Variants in SOX5 observed in about 807,000 individuals in gnomAD.
SOX5 encodes the protein SRY-box transcription factor 5.
A neutral mutation model predicts 92.0 loss-of-function variants in SOX5; 9 were observed. The observed-to-expected ratio is 0.10, with a 90% confidence interval of 0.06 to 0.17. SOX5 has a LOEUF of 0.17. Among genes scored for constraint, SOX5 ranks in the 10% least tolerant of loss-of-function variants. SOX5 has a pLI of 1.00. For synonymous variants in SOX5, 344 were observed against 336.3 expected (o/e 1.02, Z -0.25); for missense variants, 642 against 944.5 (o/e 0.68, Z 4.20).
chr12:24,313,541 A>C (rs1212081642), intron 2 of SOX5, among the ~76,000 whole-genome samples: 9 of 152,112 alleles, frequency 5.9e-5, no homozygotes, highest in Non-Finnish European at 1.0e-4. Context: ...AAAAAATACA[A>C]AAAAAAGTTG....
In SOX5 at chr12:23,942,981, G is replaced by A. The variant is rs531243815; in HGVS notation, c.38+6583C>T. Among the ~76,000 whole-genome samples, 10 of 152,176 alleles carry A rather than the reference G, an allele frequency of 6.6e-5. No individual in the cohort carries two copies. In the South Asian group the frequency reaches 2.1e-3, roughly 32 times the overall value. On this transcript the variant is annotated intron_variant, in intron 1 of 14. Coordinates refer to ENST00000451604, the MANE Select transcript of SOX5 (RefSeq NM_006940.6). Reference sequence around the variant, plus strand: ...GAAAGTTTCAACGGATTTGCTGCCAGCAGCTTTTCTTTATAGTGTTCCTCT... The same window carrying A: ...GAAAGTTTCAACGGATTTGCTGCCAACAGCTTTTCTTTATAGTGTTCCTCT...
At chr12:23,660,006 A>AT (rs147103829) in intron 7 of SOX5, among the ~76,000 whole-genome samples, 2,134 of 152,256 alleles carry the variant, frequency 0.014, 28 homozygotes, top group South Asian at 0.027. Flanking sequence ...GGTGATTATA[A>AT]TAAAAACAGG....
chr12:24,419,784 G>A (rs1267862045), intron 1 of SOX5, among the ~76,000 whole-genome samples: 1 of 152,148 alleles, frequency 6.6e-6, no homozygotes, highest in African/African-American at 2.4e-5. Flanking sequence ...GGGAGTTACT[G>A]TAGAAGATAA....
intron 4 of SOX5, among the ~76,000 whole-genome samples, chr12:23,979,807 C>T (rs1310722591): frequency 2.2e-5 from 3 of 136,700 alleles, no homozygotes; most frequent in Non-Finnish European, 4.6e-5. Flanking sequence ...AGCCTCAAAC[C>T]TCTAGGCTCA....
rs116482107 is a variant in SOX5 at position 24,378,079 on chromosome 12, A to C, written c.-250-9440T>G. On this transcript the variant is annotated intron_variant, in intron 1 of 4. Transcript: ENST00000446891. Reference sequence around the variant, plus strand: ...GGGACTAGAGATGCAGAAATCCTAAAAGAAGTAATTTTACTGGCAAAGTTT... The same window carrying C: ...GGGACTAGAGATGCAGAAATCCTAACAGAAGTAATTTTACTGGCAAAGTTT... 5.3e-3 allele frequency among the ~76,000 whole-genome samples: 813 copies of C among 152,330 alleles called. 9 individuals are homozygous for C. Among genetic ancestry groups the C allele is most frequent in the African/African-American group, 0.015 (643 of 41,584 alleles).
At chr12:23,853,431 A>T (rs937656485) in intron 2 of SOX5, among the ~76,000 whole-genome samples, 2 of 151,938 alleles carry the variant, frequency 1.3e-5, no homozygotes, top group African/African-American at 4.8e-5. Context: ...TGAAACTGCA[A>T]GTTAAGGGCA....
chr12:24,474,489 A>G (rs1945144407), intron 1 of SOX5, among the ~76,000 whole-genome samples: 1 of 152,198 alleles, frequency 6.6e-6, no homozygotes, highest in Admixed American at 6.5e-5. Context: ...GTAAAAGATT[A>G]CTGTAGTAAT....
intron 2 of SOX5, among the ~76,000 whole-genome samples, chr12:23,869,924 T>C (rs369011103): frequency 1.1e-3 from 162 of 152,300 alleles, no homozygotes; most frequent in African/African-American, 3.8e-3. Flanking sequence ...CCCACCAGAC[T>C]GAGTTTCCAG....
intron 4 of SOX5, among the ~76,000 whole-genome samples, chr12:24,153,770 A>T (rs988186172): frequency 1.3e-5 from 2 of 152,140 alleles, no homozygotes; most frequent in African/African-American, 4.8e-5. Flanking sequence ...CTTACCAAAG[A>T]GATGATCCTG....
chr12:23,887,406 A>C (rs2097079636), intron 2 of SOX5, among the ~76,000 whole-genome samples: 1 of 152,218 alleles, frequency 6.6e-6, no homozygotes, highest in Non-Finnish European at 1.5e-5. Flanking sequence ...TAAAAACAAA[A>C]TTATATAATA....
At chr12:24,331,676 C>G (rs527721946) in intron 2 of SOX5, among the ~76,000 whole-genome samples, 1 of 151,502 alleles carries the variant, frequency 6.6e-6, no homozygotes, top group South Asian at 2.1e-4. Flanking sequence ...CATGAAACCC[C>G]ACCTCTACTA....
intron 2 of SOX5, among the ~76,000 whole-genome samples, chr12:23,876,710 C>G (rs994167100): frequency 1.3e-5 from 2 of 152,140 alleles, no homozygotes; most frequent in Non-Finnish European, 2.9e-5. Flanking sequence ...TTTATTGCAG[C>G]ACTATTCACA....
At chr12:23,699,962 G>A (rs1359364153) in intron 6 of SOX5, among the ~76,000 whole-genome samples, 1 of 152,162 alleles carries the variant, frequency 6.6e-6, no homozygotes, top group Non-Finnish European at 1.5e-5. Flanking sequence ...ACTTGGCCAT[G>A]TGACTTGCTC....
intron 1 of SOX5, among the ~76,000 whole-genome samples, chr12:23,907,163 T>C (rs527438191): frequency 1.3e-5 from 2 of 152,136 alleles, no homozygotes; most frequent in Non-Finnish European, 2.9e-5. Flanking sequence ...TGTTTATATA[T>C]GCAACCATGT....
intron 6 of SOX5, among the ~76,000 whole-genome samples, chr12:23,689,394 C>T (rs1040507196): frequency 2.6e-5 from 4 of 152,098 alleles, no homozygotes; most frequent in African/African-American, 9.7e-5. Context: ...AGGGCTGCTG[C>T]TTCTGTCCTC....
chr12:24,032,676 G>A (rs1415979858), intron 4 of SOX5, among the ~76,000 whole-genome samples: 1 of 151,630 alleles, frequency 6.6e-6, no homozygotes, highest in Non-Finnish European at 1.5e-5. Flanking sequence ...GTAAGTACCA[G>A]GTAGGTAAAA....
At chr12:23,748,121 A>G (rs2094057331) in intron 4 of SOX5, among the ~76,000 whole-genome samples, 1 of 152,046 alleles carries the variant, frequency 6.6e-6, no homozygotes, top group Admixed American at 6.6e-5. Flanking sequence ...TTAGCATTAT[A>G]TGTTATATTC....
chr12:23,569,803 T>C (rs563346157), intron 10 of SOX5, among the ~76,000 whole-genome samples: 3 of 152,362 alleles, frequency 2.0e-5, no homozygotes, highest in Non-Finnish European at 2.9e-5. Context: ...ACATGTTCTT[T>C]GACAAGATGA....
intron 3 of SOX5, among the ~76,000 whole-genome samples, chr12:23,767,998 G>C (rs1400791532): frequency 1.3e-5 from 2 of 152,070 alleles, no homozygotes; most frequent in African/African-American, 4.8e-5. Flanking sequence ...AGCAGGTGGG[G>C]GTAGGGAGGG....
Sources: allele counts gnomAD v4.1 joint callset (sites outside exome capture counted in the v4.1 genomes callset), GRCh38; gene constraint gnomAD v4.1.1; transcripts MANE v1.5; gene names NCBI Gene and HGNC (gene_info 2026-07-23, HGNC 2026-07-21).